Variants in GMDS observed in about 807,000 individuals in gnomAD.
GMDS encodes GDP-mannose 4,6-dehydratase, also known as GDP-mannose 4,6 dehydratase.
GMDS carries 20 observed loss-of-function variants against 49.9 expected under a neutral mutation model. The observed-to-expected ratio is 0.40, with a 90% confidence interval of 0.28 to 0.58. The LOEUF (loss-of-function observed/expected upper bound fraction) is 0.58, where lower values mean the gene tolerates loss of function less well. Ranked by LOEUF, GMDS falls within the 20% of genes least tolerant of loss-of-function variation. The probability of loss-of-function intolerance (pLI) is 0.42; values close to 1 mark genes in which losing one functional copy is unlikely to be tolerated. For missense variants in GMDS, 362 were observed against 481.4 expected (o/e 0.75, Z 2.32); for synonymous variants, 177 against 178.6 (o/e 0.99, Z 0.07).
intron 9 of GMDS, among the ~76,000 whole-genome samples, chr6:1,696,735 C>G (rs1765356142): frequency 6.6e-6 from 1 of 152,206 alleles, no homozygotes; most frequent in African/African-American, 2.4e-5. Flanking sequence ...GGAGCAAAGT[C>G]CAGGCATCCT....
At chr6:1,692,889 G>A (rs1034324375) in intron 9 of GMDS, among the ~76,000 whole-genome samples, 31 of 152,104 alleles carry the variant, frequency 2.0e-4, no homozygotes, top group Non-Finnish European at 8.8e-5. Context: ...TCTTGTTTAG[G>A]GGATATATTT....
intron 4 of GMDS, among the ~76,000 whole-genome samples, chr6:1,975,418 G>A (rs886881803): frequency 6.6e-6 from 1 of 152,150 alleles, no homozygotes; most frequent in South Asian, 2.1e-4. Flanking sequence ...ACCAACAGCA[G>A]ACTCTGCTGC....
At chr6:1,656,919 C>G (rs1173913093) in intron 9 of GMDS, among the ~76,000 whole-genome samples, 1 of 152,146 alleles carries the variant, frequency 6.6e-6, no homozygotes, top group South Asian at 2.1e-4. Flanking sequence ...AGGAGGCAAT[C>G]TTTACCTTCA....
At chr6:1,976,403 G>A (rs1484051154) in intron 4 of GMDS, among the ~76,000 whole-genome samples, 1 of 152,180 alleles carries the variant, frequency 6.6e-6, no homozygotes, top group Non-Finnish European at 1.5e-5. Context: ...CTAACCCAGT[G>A]CCTGGCACAT....
chr6:2,011,885 C>A (rs932650521), intron 4 of GMDS, among the ~76,000 whole-genome samples: 5 of 152,210 alleles, frequency 3.3e-5, no homozygotes, highest in Non-Finnish European at 7.3e-5. Context: ...TATGCCATTG[C>A]ATTCTTGTCT....
intron 7 of GMDS, among the ~76,000 whole-genome samples, chr6:1,790,031 A>C (rs1210390676): frequency 6.6e-6 from 1 of 152,132 alleles, no homozygotes; most frequent in Non-Finnish European, 1.5e-5. Flanking sequence ...TTCTGTTCCT[A>C]AATATATGAC....
intron 7 of GMDS, among the ~76,000 whole-genome samples, chr6:1,927,646 G>T (rs1762089951): frequency 6.6e-6 from 1 of 152,158 alleles, no homozygotes; most frequent in Non-Finnish European, 1.5e-5. Flanking sequence ...CTTGGCATTT[G>T]GGAAGTGTTG....
intron 1 of GMDS, among the ~76,000 whole-genome samples, chr6:2,126,887 G>T (rs1213812434): frequency 6.6e-6 from 1 of 152,160 alleles, no homozygotes; most frequent in East Asian, 1.9e-4. Flanking sequence ...GCCTGCCTGG[G>T]CCTCCCAAAG....
At chr6:1,936,075 G>T (rs1179907417) in intron 6 of GMDS, among the ~76,000 whole-genome samples, 2 of 152,138 alleles carry the variant, frequency 1.3e-5, no homozygotes, top group African/African-American at 4.8e-5. Flanking sequence ...AATTTTCAGG[G>T]TAGATTACTA....
At chr6:2,094,317 T>C (rs1331830271) in intron 4 of GMDS, among the ~76,000 whole-genome samples, 1 of 152,250 alleles carries the variant, frequency 6.6e-6, no homozygotes, top group Non-Finnish European at 1.5e-5. Flanking sequence ...TCTACAAGAT[T>C]GCAACTTAAC....
intron 9 of GMDS, among the ~76,000 whole-genome samples, chr6:1,686,617 G>C (rs984617155): frequency 6.6e-6 from 1 of 152,194 alleles, no homozygotes; most frequent in African/African-American, 2.4e-5. Flanking sequence ...TCCCCCCCGG[G>C]TTGGCTTGTA....
At chr6:1,697,060 G>A (rs1489990987) in intron 9 of GMDS, among the ~76,000 whole-genome samples, 2 of 152,232 alleles carry the variant, frequency 1.3e-5, no homozygotes, top group Non-Finnish European at 1.5e-5. Context: ...TCACACCGTA[G>A]GAGCCCAACA....
intron 1 of GMDS, among the ~76,000 whole-genome samples, chr6:2,176,271 A>C (rs1419095731): frequency 6.6e-6 from 1 of 152,198 alleles, no homozygotes; most frequent in East Asian, 1.9e-4. Flanking sequence ...TCTTAAAAAA[A>C]ATTTTTTTTT....
At chr6:1,893,099 C>T (rs568582112) in intron 7 of GMDS, among the ~76,000 whole-genome samples, 1 of 152,228 alleles carries the variant, frequency 6.6e-6, no homozygotes, top group East Asian at 1.9e-4. Context: ...CCCACCTGAC[C>T]TCAATTTAAG....
At chr6:1,901,991 C>A (rs558110108) in intron 7 of GMDS, among the ~76,000 whole-genome samples, 1 of 152,150 alleles carries the variant, frequency 6.6e-6, no homozygotes, top group South Asian at 2.1e-4. Context: ...TATTTAAACA[C>A]GAAAATACTT....
intron 4 of GMDS, among the ~76,000 whole-genome samples, chr6:1,968,669 G>A (rs1326985963): frequency 2.0e-5 from 3 of 152,040 alleles, no homozygotes; most frequent in Non-Finnish European, 4.4e-5. Context: ...TAGTGTGAGT[G>A]GTCTGCCAAC....
intron 7 of GMDS, among the ~76,000 whole-genome samples, chr6:1,814,479 A>G (rs1770574104): frequency 6.6e-6 from 1 of 152,018 alleles, no homozygotes; most frequent in Admixed American, 6.6e-5. Flanking sequence ...GACCACCCAC[A>G]CTGTATGTTC....
intron 7 of GMDS, among the ~76,000 whole-genome samples, chr6:1,817,224 G>C (rs1770710149): frequency 6.6e-6 from 1 of 151,400 alleles, no homozygotes; most frequent in Non-Finnish European, 1.5e-5. Flanking sequence ...CTTTTAACTT[G>C]GCAAGGTTGA....
intron 6 of GMDS, among the ~76,000 whole-genome samples, chr6:1,953,809 A>T (rs536085174): frequency 6.6e-6 from 1 of 152,340 alleles, no homozygotes; most frequent in East Asian, 1.9e-4. Flanking sequence ...ATACTTATTT[A>T]TGAACTATTT....
Sources: allele counts gnomAD v4.1 joint callset (sites outside exome capture counted in the v4.1 genomes callset), GRCh38; gene constraint gnomAD v4.1.1; transcripts MANE v1.5; gene names NCBI Gene and HGNC (gene_info 2026-07-23, HGNC 2026-07-21).